ZNF438: variants seen among roughly 807,000 people sequenced by gnomAD.
The protein encoded by ZNF438 is zinc finger protein 438.
A neutral mutation model predicts 38.0 loss-of-function variants in ZNF438; 25 were observed. That is an observed-to-expected ratio of 0.66 (90% CI 0.48 to 0.92). The LOEUF is 0.92. Ranked by LOEUF, ZNF438 falls within the 40% of genes least tolerant of loss-of-function variation. The probability of loss-of-function intolerance (pLI) is 0.00; values close to 1 mark genes in which losing one functional copy is unlikely to be tolerated. For missense variants in ZNF438, 1,007 were observed against 999.6 expected, an observed-to-expected ratio of 1.01 and a Z score of -0.10; for synonymous variants, 372 against 364.1, an observed-to-expected ratio of 1.02 and a Z score of -0.25.
intron 4 of ZNF438, among the ~76,000 whole-genome samples, chr10:30,861,510 T>TA (rs1344843945): frequency 2.6e-5 from 4 of 151,978 alleles, no homozygotes; most frequent in Non-Finnish European, 5.9e-5. Flanking sequence ...TAGTGGCAAT[T>TA]AAAAAAAATA....
intron 1 of ZNF438, among the ~76,000 whole-genome samples, chr10:30,981,213 A>AG (rs1379502695): frequency 1.3e-5 from 2 of 152,228 alleles, no homozygotes; most frequent in Non-Finnish European, 2.9e-5. Context: ...CTGACATGTT[A>AG]GGGGACTGCA....
At chr10:30,872,715 A>G (rs1018783754) in intron 4 of ZNF438, among the ~76,000 whole-genome samples, 10 of 145,522 alleles carry the variant, frequency 6.9e-5, no homozygotes, top group Admixed American at 2.8e-4. Flanking sequence ...GCACCACTGC[A>G]CTCCAGCCTG....
intron 3 of ZNF438, among the ~76,000 whole-genome samples, chr10:30,902,947 C>G (rs940585688): frequency 6.6e-6 from 1 of 152,054 alleles, no homozygotes; most frequent in African/African-American, 2.4e-5. Flanking sequence ...GTAGGCCTTC[C>G]CTGCGGGGAG....
intron 1 of ZNF438, among the ~76,000 whole-genome samples, chr10:30,964,207 T>G (rs2049865119): frequency 6.6e-6 from 1 of 152,354 alleles, no homozygotes; most frequent in East Asian, 1.9e-4. Context: ...GTGTGATAAC[T>G]GTCACCCTTA....
At chr10:30,864,901 A>G (rs1173059596) in intron 4 of ZNF438, among the ~76,000 whole-genome samples, 3 of 152,208 alleles carry the variant, frequency 2.0e-5, no homozygotes, top group Non-Finnish European at 2.9e-5. Flanking sequence ...TGCTTAATCT[A>G]CTATCTCAAG....
intron 2 of ZNF438, among the ~76,000 whole-genome samples, chr10:30,937,512 C>A (rs2046380074): frequency 6.6e-6 from 1 of 152,112 alleles, no homozygotes; most frequent in Admixed American, 6.6e-5. Context: ...TCCTCATACA[C>A]ATAACTTCAC....
intron 1 of ZNF438, among the ~76,000 whole-genome samples, chr10:31,010,892 GAAAAAAAAAAAAAAAAAAAAA>G: frequency 1.1e-5 from 1 of 92,588 alleles, no homozygotes; most frequent in Non-Finnish European, 1.9e-5. Flanking sequence ...GACCCTGTTT[GAAAAAAAAAAAAAAAAAAAAA>G]AAAAAAAAAG....
At chr10:30,973,712 A>G (rs1322862538) in intron 1 of ZNF438, among the ~76,000 whole-genome samples, 1 of 152,186 alleles carries the variant, frequency 6.6e-6, no homozygotes, top group African/African-American at 2.4e-5. Flanking sequence ...AAGCGACCAA[A>G]GCCCACTGTC....
intron 4 of ZNF438, among the ~76,000 whole-genome samples, chr10:30,859,467 T>A (rs1023796987): frequency 6.6e-6 from 1 of 152,182 alleles, no homozygotes; most frequent in Non-Finnish European, 1.5e-5. Context: ...TCTTTCTACC[T>A]CTGCATGCTG....
intron 2 of ZNF438, among the ~76,000 whole-genome samples, chr10:30,923,570 C>T (rs568494924): frequency 2.0e-5 from 3 of 152,174 alleles, no homozygotes; most frequent in Admixed American, 6.5e-5. Context: ...AAAGCTGTTA[C>T]GCGCACCCTT....
At chr10:30,893,422 G>A (rs1262616603) in intron 3 of ZNF438, among the ~76,000 whole-genome samples, 1 of 152,188 alleles carries the variant, frequency 6.6e-6, no homozygotes, top group Non-Finnish European at 1.5e-5. Context: ...GTGAGCATTA[G>A]TGTTCATGCA....
intron 5 of ZNF438, among the ~76,000 whole-genome samples, chr10:30,847,967 G>A (rs1243142866): frequency 6.6e-6 from 1 of 152,200 alleles, no homozygotes; most frequent in Non-Finnish European, 1.5e-5. Flanking sequence ...GAGCCTAATG[G>A]GCCAGAGCAA....
intron 1 of ZNF438, among the ~76,000 whole-genome samples, chr10:30,997,097 A>T (rs778420041): frequency 2.6e-5 from 4 of 152,180 alleles, no homozygotes; most frequent in African/African-American, 4.8e-5. Context: ...AAAAAGAAAG[A>T]TCTCAAGTGG....
intron 3 of ZNF438, among the ~76,000 whole-genome samples, chr10:30,897,823 G>T (rs1050811813): frequency 6.6e-6 from 1 of 152,166 alleles, no homozygotes; most frequent in African/African-American, 2.4e-5. Context: ...AGGGCCTTGT[G>T]GGGTTGCTCC....
intron 1 of ZNF438, among the ~76,000 whole-genome samples, chr10:31,017,633 G>C (rs2133217826): frequency 6.6e-6 from 1 of 152,300 alleles, no homozygotes; most frequent in East Asian, 1.9e-4. Flanking sequence ...CTGTGACGCA[G>C]CCATCGCTCC....
chr10:30,991,895 G>C (rs1325542804), intron 1 of ZNF438, among the ~76,000 whole-genome samples: 1 of 152,218 alleles, frequency 6.6e-6, no homozygotes, highest in Non-Finnish European at 1.5e-5. Flanking sequence ...GGGGGCTGAA[G>C]TATAACCTCT....
chr10:30,929,454 G>A (rs779150695), intron 2 of ZNF438, among the ~76,000 whole-genome samples: 1 of 152,174 alleles, frequency 6.6e-6, no homozygotes, highest in Non-Finnish European at 1.5e-5. Context: ...TCGTGGTCTC[G>A]CTGGCCTCAG....
chr10:31,010,892 G>GAAAAAAAAAAAAAAA (rs563189482), intron 1 of ZNF438, among the ~76,000 whole-genome samples: 9 of 92,590 alleles, frequency 9.7e-5, no homozygotes, highest in Admixed American at 2.4e-4. Context: ...GACCCTGTTT[G>GAAAAAAAAAAAAAAA]AAAAAAAAAA....
At chr10:31,025,606 T>G (rs2056888445) in intron 1 of ZNF438, among the ~76,000 whole-genome samples, 1 of 152,174 alleles carries the variant, frequency 6.6e-6, no homozygotes, top group Non-Finnish European at 1.5e-5. Flanking sequence ...GCTACGTAGT[T>G]ATGGTTAAAT....
Sources: allele counts gnomAD v4.1 joint callset (sites outside exome capture counted in the v4.1 genomes callset), GRCh38; gene constraint gnomAD v4.1.1; transcripts MANE v1.5; gene names NCBI Gene and HGNC (gene_info 2026-07-23, HGNC 2026-07-21).